Variants in IFT81 observed in about 807,000 individuals in gnomAD.
IFT81 encodes the protein intraflagellar transport protein 81 homolog.
IFT81 carries 72 observed loss-of-function variants against 102.6 expected under a neutral mutation model. The ratio of observed to expected loss-of-function variants is 0.70; its 90% CI spans 0.58 to 0.85. The LOEUF (loss-of-function observed/expected upper bound fraction) is 0.85. IFT81 is among the 40% of genes least tolerant of loss of function. The probability of loss-of-function intolerance (pLI) is 0.00; values close to 1 mark genes in which losing one functional copy is unlikely to be tolerated. For missense variants in IFT81, 723 were observed against 787.3 expected (o/e 0.92, Z 0.98); for synonymous variants, 237 against 242.7 (o/e 0.98, Z 0.22).
At chr12:110,179,953 A>G (rs960053222) in intron 11 of IFT81, among the ~76,000 whole-genome samples, 5 of 137,452 alleles carry the variant, frequency 3.6e-5, no homozygotes, top group African/African-American at 1.1e-4. Flanking sequence ...ATAAATAAAT[A>G]AAGGAATTCA....
chr12:110,151,540 A>C (rs1313010519), intron 10 of IFT81, among the ~76,000 whole-genome samples: 1 of 152,152 alleles, frequency 6.6e-6, no homozygotes, highest in Non-Finnish European at 1.5e-5. Context: ...ATTATTTTCT[A>C]AATTGACAAA....
chr12:110,167,774 GCTT>G (rs1466626711), intron 11 of IFT81: 1 of 178,094 alleles, frequency 5.6e-6, no homozygotes, highest in Non-Finnish European at 1.2e-5. Context: ...ATCATACTAG[GCTT>G]CTTATATACA....
At chr12:110,132,472 A>AAG in intron 4 of IFT81, 75 bp from the exon 5 acceptor site, 1 of 666,706 alleles carries the variant, frequency 1.5e-6, no homozygotes. Flanking sequence ...AAAAAAAAAA[A>AAG]AAAGAAAGAA....
rs59756924 is a variant in IFT81 at position 110,128,786 on chromosome 12, CA to C, written c.249-140del. ...TGGGCAATAAAGTGAGACCCTGTCT[CA>C]AAAAAAAAAAAAAAAAAAAAAAAGA... On this transcript the variant is annotated intron_variant, in intron 3 of 18. Coordinates refer to ENST00000242591, the MANE Select transcript of IFT81 (RefSeq NM_014055.4). Among the ~76,000 whole-genome samples the C allele has an allele frequency of 0.38, 26,417 of 69,448 alleles. 1,954 individuals are homozygous for C. The highest frequency in any genetic ancestry group is 0.46 in the African/African-American group (8,436 of 18,210). 45.6% of individuals were successfully genotyped at this position (69,448 alleles called of 152,430 possible).
intron 2 of IFT81, 36 bp from the exon 3 acceptor site, chr12:110,128,010 A>G (rs1231766690): frequency 1.4e-6 from 2 of 1,398,990 alleles, no homozygotes; most frequent in African/African-American, 2.8e-5. Context: ...TGTTACATAT[A>G]CAACAATAAC....
At chr12:110,207,470 A>AT (rs781204166) in intron 17 of IFT81, among the ~76,000 whole-genome samples, 2 of 150,314 alleles carry the variant, frequency 1.3e-5, no homozygotes, top group Non-Finnish European at 3.0e-5. Flanking sequence ...ATATTGTTTA[A>AT]TTTTTTCTTA....
chr12:110,135,916 C>G (rs1414206779), intron 7 of IFT81, among the ~76,000 whole-genome samples: 2 of 150,740 alleles, frequency 1.3e-5, no homozygotes, highest in Non-Finnish European at 3.0e-5. Flanking sequence ...AACAATACCA[C>G]TTTTTGGGTT....
intron 11 of IFT81, among the ~76,000 whole-genome samples, chr12:110,163,765 G>A (rs1566133842): frequency 1.3e-5 from 2 of 151,810 alleles, no homozygotes; most frequent in South Asian, 4.2e-4. Flanking sequence ...ACAGGTGGAC[G>A]TCACCAGGCC....
intron 8 of IFT81, among the ~76,000 whole-genome samples, chr12:110,140,102 A>G (rs61940946): frequency 6.6e-6 from 1 of 151,820 alleles, no homozygotes; most frequent in Admixed American, 6.6e-5. Flanking sequence ...AAAATGTATT[A>G]AATTTTTTTT....
chr12:110,190,320 C>T (rs968605210), intron 12 of IFT81, among the ~76,000 whole-genome samples: 1 of 152,156 alleles, frequency 6.6e-6, no homozygotes, highest in African/African-American at 2.4e-5. Context: ...CAAGTTTGCT[C>T]CCAGCTTTTG....
At chr12:110,184,586 C>T (rs564794553) in intron 12 of IFT81, among the ~76,000 whole-genome samples, 17 of 152,234 alleles carry the variant, frequency 1.1e-4, no homozygotes, top group African/African-American at 3.9e-4. Flanking sequence ...GAAGGACATA[C>T]TTATGAAGGG....
intron 10 of IFT81, among the ~76,000 whole-genome samples, chr12:110,152,993 A>G (rs957691180): frequency 2.0e-5 from 3 of 152,180 alleles, no homozygotes; most frequent in Admixed American, 1.3e-4. Flanking sequence ...TTGATGCACA[A>G]AAGTTTTAAA....
At chr12:110,201,255 A>T (rs1266807897) in intron 14 of IFT81, among the ~76,000 whole-genome samples, 1 of 151,672 alleles carries the variant, frequency 6.6e-6, no homozygotes, top group African/African-American at 2.4e-5. Context: ...ATACGAAATT[A>T]TCTGGTCATG....
At chr12:110,135,826 C>T (rs1894466700) in intron 7 of IFT81, among the ~76,000 whole-genome samples, 1 of 149,454 alleles carries the variant, frequency 6.7e-6, no homozygotes, top group Admixed American at 6.7e-5. Flanking sequence ...GAGATCACGC[C>T]ACCACACTCC....
chr12:110,218,027 T>C lies in IFT81; in HGVS notation c.1849-17T>C, dbSNP rs569827460. 6 of 1,504,134 alleles carry C rather than the reference T, an allele frequency of 4.0e-6. No individual in the cohort carries two copies. In the Admixed American group the frequency reaches 1.2e-4, roughly 29 times the overall value. The allele number at this position is 1,504,134 out of a possible 1,614,324, so 93.2% of individuals were successfully genotyped here. ...TGTAACTGAGATTTAATTATTCTTG[T>C]TTTTTTTTAATGATAGAAACTTCGG... On this transcript the variant is annotated splice_polypyrimidine_tract_variant and intron_variant, in intron 18 of 18. Coordinates refer to ENST00000242591, the MANE Select transcript of IFT81 (RefSeq NM_014055.4).
intron 12 of IFT81, among the ~76,000 whole-genome samples, chr12:110,190,378 C>T (rs1465958565): frequency 1.3e-5 from 2 of 152,178 alleles, no homozygotes; most frequent in Non-Finnish European, 2.9e-5. Flanking sequence ...CAGATGTCAT[C>T]TTCTCAGGAT....
At chr12:110,167,320 T>C (rs1172935421) in intron 11 of IFT81, among the ~76,000 whole-genome samples, 1 of 152,226 alleles carries the variant, frequency 6.6e-6, no homozygotes, top group East Asian at 1.9e-4. Flanking sequence ...TTTTCTCTTA[T>C]CTGCCAGAGT....
chr12:110,188,054 C>T (rs1018827073), intron 12 of IFT81, among the ~76,000 whole-genome samples: 5 of 152,144 alleles, frequency 3.3e-5, no homozygotes, highest in African/African-American at 4.8e-5. Context: ...TCTGCTCGGC[C>T]GGGCGCGGTG....
rs1327664814 is a variant in IFT81, at chr12:110,209,156, A to G, written c.1803-15A>G. 8 of 1,448,552 alleles carry G rather than the reference A, an allele frequency of 5.5e-6. No homozygotes were observed. Among genetic ancestry groups the G allele is most frequent in the Non-Finnish European group, 7.7e-6 (8 of 1,042,674 alleles). 89.7% of individuals were successfully genotyped at this position (1,448,552 alleles called of 1,614,324 possible). On this transcript the variant is annotated splice_polypyrimidine_tract_variant and intron_variant, in intron 17 of 18. Coordinates refer to ENST00000242591, the MANE Select transcript of IFT81 (RefSeq NM_014055.4). ...TGAAGTAAATTGAAAGTAAATCATT[A>G]TGTTGACTCCCTAGGGAACAGTATA...
Sources: gnomAD v4.1 joint callset for allele counts (sites outside exome capture counted in the v4.1 genomes callset) on GRCh38, gnomAD v4.1.1 for gene constraint, MANE v1.5 for transcripts, NCBI Gene and HGNC (gene_info 2026-07-23, HGNC 2026-07-21) for gene names.